GABRB2: variants seen among roughly 807,000 people sequenced by gnomAD.
GABRB2 encodes the protein gamma-aminobutyric acid type A receptor subunit beta2, also known as gamma-aminobutyric acid receptor subunit beta-2.
Under a neutral mutation model 54.7 loss-of-function variants are expected in GABRB2, and 16 were observed. The observed-to-expected ratio is 0.29, with a 90% CI of 0.20 to 0.44. GABRB2 has a LOEUF of 0.44. GABRB2 is among the 20% of genes least tolerant of loss of function. The pLI is 1.00. For synonymous variants in GABRB2, 244 were observed against 233.8 expected (o/e 1.04, Z -0.40); for missense variants, 355 against 644.0 (o/e 0.55, Z 4.86).
chr5:161,451,736 T>A (rs1478811123), intron 4 of GABRB2, among the ~76,000 whole-genome samples: 3 of 152,130 alleles, frequency 2.0e-5, no homozygotes, highest in Admixed American at 2.0e-4. Flanking sequence ...ACAAACATGC[T>A]TACTATACAT....
chr5:161,483,383 A>C (rs1407981702), intron 3 of GABRB2, among the ~76,000 whole-genome samples: 2 of 152,034 alleles, frequency 1.3e-5, no homozygotes, highest in Non-Finnish European at 2.9e-5. Context: ...CTCTCAAAAA[A>C]TAATTCTGAA....
At chr5:161,537,208 C>T (rs1189886685) in intron 3 of GABRB2, among the ~76,000 whole-genome samples, 4 of 152,258 alleles carry the variant, frequency 2.6e-5, no homozygotes, top group South Asian at 2.1e-4. Flanking sequence ...ATCTAAAATA[C>T]GGGGCTCACC....
intron 4 of GABRB2, among the ~76,000 whole-genome samples, chr5:161,438,663 G>A (rs1384866119): frequency 6.6e-6 from 1 of 152,042 alleles, no homozygotes; most frequent in African/African-American, 2.4e-5. Flanking sequence ...ACACAGAGAA[G>A]AAGTTCAGAA....
chr5:161,436,140 T>C (rs1338027124), intron 4 of GABRB2, among the ~76,000 whole-genome samples: 2 of 152,234 alleles, frequency 1.3e-5, no homozygotes, highest in Non-Finnish European at 1.5e-5. Context: ...ATTCACTTTC[T>C]TCGTGTGTAA....
intron 5 of GABRB2, among the ~76,000 whole-genome samples, chr5:161,343,735 C>G (rs893637835): frequency 6.6e-6 from 1 of 152,060 alleles, no homozygotes; most frequent in African/African-American, 2.4e-5. Context: ...CAGGCACTGC[C>G]TTAAGCTCTT....
intron 4 of GABRB2, among the ~76,000 whole-genome samples, chr5:161,433,638 AAG>A (rs1367329929): frequency 6.6e-6 from 1 of 151,862 alleles, no homozygotes; most frequent in Admixed American, 6.6e-5. Context: ...ATAAAAGAAA[AAG>A]AAATATAAAA....
intron 3 of GABRB2, among the ~76,000 whole-genome samples, chr5:161,536,847 C>T (rs535744363): frequency 1.8e-3 from 271 of 152,206 alleles, no homozygotes; most frequent in African/African-American, 6.3e-3. Context: ...ATTCACCCAC[C>T]TCGGCCTCCC....
At chr5:161,386,030 T>G (rs1239929958) in intron 5 of GABRB2, among the ~76,000 whole-genome samples, 1 of 151,132 alleles carries the variant, frequency 6.6e-6, no homozygotes, top group Non-Finnish European at 1.5e-5. Flanking sequence ...ATTATTTCTT[T>G]TCTACTGTTC....
At chr5:161,333,650 CT>C (rs1156531875) in intron 7 of GABRB2, among the ~76,000 whole-genome samples, 1 of 152,204 alleles carries the variant, frequency 6.6e-6, no homozygotes, top group Non-Finnish European at 1.5e-5. Flanking sequence ...CTTTAGGCCT[CT>C]TTCCCTAACA....
chr5:161,367,384 A>T (rs1010291724), intron 5 of GABRB2, among the ~76,000 whole-genome samples: 15 of 152,224 alleles, frequency 9.9e-5, no homozygotes, highest in Non-Finnish European at 2.2e-4. Flanking sequence ...TATACTCAGA[A>T]CTTAATCAGT....
chr5:161,320,820 G>C (rs1758186519), intron 9 of GABRB2, among the ~76,000 whole-genome samples: 1 of 151,694 alleles, frequency 6.6e-6, no homozygotes, highest in Non-Finnish European at 1.5e-5. Flanking sequence ...CCTTAATTTT[G>C]TCATCTGAAT....
intron 4 of GABRB2, among the ~76,000 whole-genome samples, chr5:161,433,374 C>T (rs182824055): frequency 4.7e-5 from 7 of 150,342 alleles, no homozygotes; most frequent in African/African-American, 4.9e-5. Context: ...CTGAGGTGGG[C>T]GGCCTGCTTG....
At chr5:161,382,119 G>A (rs1755487572) in intron 5 of GABRB2, among the ~76,000 whole-genome samples, 2 of 152,068 alleles carry the variant, frequency 1.3e-5, no homozygotes, top group Non-Finnish European at 2.9e-5. Context: ...TCCATACTTG[G>A]TCCAATACAT....
chr5:161,354,180 G>C (rs777370431), intron 5 of GABRB2, among the ~76,000 whole-genome samples: 5 of 151,980 alleles, frequency 3.3e-5, no homozygotes, highest in Non-Finnish European at 5.9e-5. Flanking sequence ...GGGTCTAACT[G>C]TGTAGGCCTG....
intron 5 of GABRB2, among the ~76,000 whole-genome samples, chr5:161,386,183 A>G (rs1755626168): frequency 6.6e-6 from 1 of 152,048 alleles, no homozygotes; most frequent in Non-Finnish European, 1.5e-5. Context: ...ATTTATTTAA[A>G]CCAGCAATAT....
At chr5:161,350,225 G>T (rs1405136734) in intron 5 of GABRB2, among the ~76,000 whole-genome samples, 1 of 152,020 alleles carries the variant, frequency 6.6e-6, no homozygotes, top group African/African-American at 2.4e-5. Flanking sequence ...AATATAAAAG[G>T]CATCCACATT....
rs578038845 is a variant in GABRB2 at position 161,470,356 on chromosome 5, G to A, written c.238-10512C>T. Among the ~76,000 whole-genome samples, 4 of 152,008 alleles carry A rather than the reference G, an allele frequency of 2.6e-5. No homozygotes were observed. In the South Asian group the frequency reaches 8.3e-4, roughly 32 times the overall value. On this transcript the variant is annotated intron_variant, in intron 3 of 9. Transcript: ENST00000393959. ...GATGTCTGAAGCCACAGATAGTGCA[G>A]AACTCTATGTATACTATGATTTTTC...
At chr5:161,503,152 T>C (rs1172100330) in intron 3 of GABRB2, among the ~76,000 whole-genome samples, 4 of 151,946 alleles carry the variant, frequency 2.6e-5, no homozygotes, top group Admixed American at 1.3e-4. Context: ...TCCAGAAATT[T>C]TGGTATTCTT....
At chr5:161,391,473 G>C (rs1480417749) in intron 5 of GABRB2, among the ~76,000 whole-genome samples, 3 of 152,084 alleles carry the variant, frequency 2.0e-5, no homozygotes, top group African/African-American at 7.2e-5. Flanking sequence ...TATTCTCCTG[G>C]GTGGTGGGAG....
Sources: allele counts gnomAD v4.1 joint callset (sites outside exome capture counted in the v4.1 genomes callset), GRCh38; gene constraint gnomAD v4.1.1; transcripts MANE v1.5; gene names NCBI Gene and HGNC (gene_info 2026-07-23, HGNC 2026-07-21).